Variants in PACRGL observed in about 807,000 individuals in gnomAD.
PACRGL encodes PACRG-like protein.
In PACRGL, 38 loss-of-function variants were observed where a neutral mutation model predicts 34.5. The observed-to-expected ratio is 1.10, with a 90% confidence interval of 0.85 to 1.44. PACRGL has a LOEUF of 1.44. Ranked by LOEUF, PACRGL falls within the 40% of genes most tolerant of loss-of-function variation. PACRGL has a pLI of 0.00. For synonymous variants in PACRGL, 128 were observed against 100.1 expected, an observed-to-expected ratio of 1.28 and a Z score of -1.66; for missense variants, 305 against 281.4, an observed-to-expected ratio of 1.08 and a Z score of -0.60.
chr4:20,723,746 G>A (rs886735507), intron 7 of PACRGL, among the ~76,000 whole-genome samples: 1 of 152,164 alleles, frequency 6.6e-6, no homozygotes, highest in African/African-American at 2.4e-5. Flanking sequence ...AGGACTGACT[G>A]AACGGGTATC....
intron 8 of PACRGL, among the ~76,000 whole-genome samples, chr4:20,738,753 A>C (rs1482321021): frequency 1.3e-5 from 2 of 152,008 alleles, no homozygotes; most frequent in Admixed American, 1.3e-4. Flanking sequence ...TGGACAGTGG[A>C]TGCAGCCCAC....
chr4:20,707,121 T>G (rs747785432), intron 3 of PACRGL, among the ~76,000 whole-genome samples: 12 of 152,216 alleles, frequency 7.9e-5, no homozygotes, highest in Non-Finnish European at 1.6e-4. Context: ...TGTGATAAAA[T>G]ATTTACTTTT....
intron 8 of PACRGL, among the ~76,000 whole-genome samples, chr4:20,752,297 G>T (rs1753798325): frequency 6.6e-6 from 1 of 152,088 alleles, no homozygotes; most frequent in African/African-American, 2.4e-5. Flanking sequence ...GACAGCAGGT[G>T]ATCAGCCTGC....
intron 7 of PACRGL, among the ~76,000 whole-genome samples, chr4:20,721,498 G>A (rs1743183005): frequency 6.6e-6 from 1 of 152,174 alleles, no homozygotes; most frequent in Non-Finnish European, 1.5e-5. Context: ...TACAAGTGGG[G>A]TTTTGGTGTG....
chr4:20,738,964 C>G (rs1750377434), intron 8 of PACRGL, among the ~76,000 whole-genome samples: 1 of 152,178 alleles, frequency 6.6e-6, no homozygotes, highest in Non-Finnish European at 1.5e-5. Context: ...TCAGAGTGGC[C>G]CACACCCACA....
At position 20,712,798 on chromosome 4, in the gene PACRGL, A is replaced by G; in HGVS notation, c.377A>G (p.Glu126Gly). Reference sequence around the variant, plus strand: ...CTTGGTCTTTGTCAGGGTCTGAGAGAGACTAAGCATCCATACACTTTTGTG... The same window carrying G: ...CTTGGTCTTTGTCAGGGTCTGAGAGGGACTAAGCATCCATACACTTTTGTG... ...LLITLAEGLR[E>G]TKHPYTFVSK... The change falls in exon 6 of 9, where the codon GAG (glutamate) becomes GGG (glycine). Residue 126 changes from glutamate to glycine, a missense_variant. Coordinates refer to ENST00000503585, the MANE Select transcript of PACRGL (RefSeq NM_001258345.3). 6.4e-7 allele frequency: 1 copy of G among 1,564,160 alleles called. No individual in the cohort carries two copies. The highest frequency in any genetic ancestry group is 8.7e-7 in the Non-Finnish European group (1 of 1,151,092).
At chr4:20,752,772 A>T (rs1320337354) in exon 9 of PACRGL, 1 of 152,242 alleles carries the variant, frequency 6.6e-6, no homozygotes, top group Non-Finnish European at 1.5e-5. Context: ...GCAAAGGCAA[A>T]GGAATGTCCA....
chr4:20,701,413 A>T (rs1357263239), intron 1 of PACRGL: 1 of 156,564 alleles, frequency 6.4e-6, no homozygotes, highest in Non-Finnish European at 1.4e-5. Flanking sequence ...TTCGAAGTTA[A>T]GTGGATTTAT....
chr4:20,730,038 A>AATAGTTCACATTT lies in PACRGL; in HGVS notation c.*2698_*2710dup, dbSNP rs1414941441. On this transcript the variant is annotated 3_prime_UTR_variant, in exon 9 of 9. Coordinates refer to ENST00000503585, the MANE Select transcript of PACRGL (RefSeq NM_001258345.3). Reference sequence around the variant, plus strand: ...GTAGCTCCAACTTTAAGGGTGGTAGAATAGTTCACATTTGTCTGTTGGATT... The same window carrying AATAGTTCACATTT: ...GTAGCTCCAACTTTAAGGGTGGTAGAATAGTTCACATTTATAGTTCACATTTGTCTGTTGGATT... The AATAGTTCACATTT allele has an allele frequency of 6.3e-7, 1 of 1,587,340 alleles. No homozygotes were observed. The highest frequency in any genetic ancestry group is 8.6e-7 in the Non-Finnish European group (1 of 1,169,296).
At chr4:20,747,988 G>T (rs1470791845) in intron 8 of PACRGL, among the ~76,000 whole-genome samples, 1 of 152,078 alleles carries the variant, frequency 6.6e-6, no homozygotes. Flanking sequence ...TTTTGAATTT[G>T]TTTCATGCTT....
At chr4:20,742,847 G>C (rs1751480222) in intron 8 of PACRGL, among the ~76,000 whole-genome samples, 1 of 152,148 alleles carries the variant, frequency 6.6e-6, no homozygotes, top group South Asian at 2.1e-4. Context: ...TCCTTAAACT[G>C]ATAAGCAACT....
At chr4:20,710,269 T>C (rs967930232) in intron 5 of PACRGL, among the ~76,000 whole-genome samples, 2 of 152,148 alleles carry the variant, frequency 1.3e-5, no homozygotes, top group African/African-American at 2.4e-5. Context: ...GGAGGTGGTT[T>C]TATAGACTAT....
At chr4:20,753,899 C>G (rs1754062891), downstream of PACRGL, among the ~76,000 whole-genome samples, 1 of 92,994 alleles carries the variant, frequency 1.1e-5, no homozygotes, top group Admixed American at 1.4e-4. Flanking sequence ...CTGACTTGAG[C>G]TCATTTGTTC....
rs543396744 is a variant in PACRGL at position 20,723,826 on chromosome 4, T to C, written c.610-982T>C. On this transcript the variant is annotated intron_variant, in intron 7 of 8. Coordinates refer to ENST00000503585, the MANE Select transcript of PACRGL (RefSeq NM_001258345.3). ...CCCTGACCATCAGATCCTGGTGTTATATAAAGAGTTCTAGAAATAGGTTGT... is the reference window on the plus strand; with the variant it reads ...CCCTGACCATCAGATCCTGGTGTTACATAAAGAGTTCTAGAAATAGGTTGT... Among the ~76,000 whole-genome samples, 24 of 152,180 alleles carry C rather than the reference T, an allele frequency of 1.6e-4. 1 individual carries two copies. In the South Asian group the frequency reaches 2.7e-3, roughly 17 times the overall value.
intron 7 of PACRGL, among the ~76,000 whole-genome samples, chr4:20,723,976 C>T (rs931467704): frequency 2.0e-5 from 3 of 151,900 alleles, no homozygotes; most frequent in Admixed American, 2.0e-4. Flanking sequence ...AGCCTCAAAG[C>T]CTTCATTTTT....
intron 7 of PACRGL, among the ~76,000 whole-genome samples, chr4:20,718,029 TCTC>T (rs1267597543): frequency 1.3e-5 from 2 of 151,930 alleles, no homozygotes; most frequent in South Asian, 2.1e-4. Context: ...GGTTTGTAGT[TCTC>T]CTTGAAGAGG....
intron 8 of PACRGL, among the ~76,000 whole-genome samples, chr4:20,744,746 AC>A (rs1752038619): frequency 1.3e-5 from 2 of 152,298 alleles, no homozygotes; most frequent in South Asian, 4.1e-4. Flanking sequence ...TTGCACATGT[AC>A]CCTAGAACTT....
downstream of PACRGL, among the ~76,000 whole-genome samples, chr4:20,754,847 A>T (rs931769950): frequency 2.0e-5 from 3 of 152,210 alleles, no homozygotes; most frequent in Admixed American, 6.5e-5. Context: ...TTAGTATGTA[A>T]TAACTTGATT....
Position 20,729,909 on chromosome 4 carries a change from T to C in PACRGL, c.*2568T>C, listed in dbSNP as rs537263357. ...GTGGCATTATGAAAAGGATGCAAAT[T>C]TATAACTGAAAGCTCAAATCTTTTG... On this transcript the variant is annotated 3_prime_UTR_variant, in exon 9 of 9. Transcript: ENST00000503585. 3.6e-5 allele frequency: 24 copies of C among 660,136 alleles called. No individual in the cohort carries two copies. The African/African-American group carries it at 4.5e-4, about 12-fold the overall frequency. 40.9% of individuals were successfully genotyped at this position (660,136 alleles called of 1,614,324 possible). A position where few individuals can be genotyped will look rare whatever the true frequency, so the allele number is the denominator to read the frequency against.
Sources: allele counts gnomAD v4.1 joint callset (sites outside exome capture counted in the v4.1 genomes callset), GRCh38; gene constraint gnomAD v4.1.1; transcripts MANE v1.5; gene names NCBI Gene and HGNC (gene_info 2026-07-23, HGNC 2026-07-21).